Variants in NFAM1 observed in about 807,000 individuals in gnomAD.
NFAM1 encodes the protein NFAT activating protein with ITAM motif 1.
A neutral mutation model predicts 29.0 loss-of-function variants in NFAM1; 17 were observed. That is an observed-to-expected ratio of 0.59 (90% confidence interval 0.40 to 0.88). The LOEUF is 0.88. Ranked by LOEUF, NFAM1 falls within the 40% of genes least tolerant of loss-of-function variation. The pLI is 0.00. For missense variants in NFAM1, 324 were observed against 344.6 expected, an observed-to-expected ratio of 0.94 and a Z score of 0.47; for synonymous variants, 175 against 147.2, an observed-to-expected ratio of 1.19 and a Z score of -1.36.
intron 1 of NFAM1, among the ~76,000 whole-genome samples, chr22:42,415,065 C>A (rs1930210018): frequency 6.6e-6 from 1 of 152,086 alleles, no homozygotes; most frequent in Non-Finnish European, 1.5e-5. Flanking sequence ...GGAGAGGCTT[C>A]GAAACGAGAA....
intron 3 of NFAM1, among the ~76,000 whole-genome samples, chr22:42,404,572 G>A (rs1278718561): frequency 6.6e-6 from 1 of 152,132 alleles, no homozygotes; most frequent in Non-Finnish European, 1.5e-5. Context: ...TGTGTGGGCA[G>A]CAGAAAGCTT....
rs73886090 is a variant in NFAM1 at position 42,409,265 on chromosome 22, T to C, written c.564+170A>G. Among the ~76,000 whole-genome samples the C allele has an allele frequency of 0.029, 4,413 of 152,114 alleles. 216 individuals carry two copies. The highest frequency in any genetic ancestry group is 0.1 in the African/African-American group (4,249 of 41,480). ...AGGCACCCCATGGCAGCACAGGGAG[T>C]GGCACAGGAGGGATGCCCCCAGCCC... On this transcript the variant is annotated intron_variant, in intron 3 of 5. Transcript: ENST00000329021. This position sits in a 1 kb window ranked among gnomAD's most constrained non-coding sequence, Gnocchi z 4.9.
chr22:42,394,790 C>T lies in NFAM1; in HGVS notation c.663+3068G>A, dbSNP rs115316305. Among the ~76,000 whole-genome samples the T allele has an allele frequency of 5.9e-3, 898 of 152,242 alleles. 10 individuals are homozygous for T. The highest frequency in any genetic ancestry group is 0.021 in the African/African-American group (853 of 41,538). On this transcript the variant is annotated intron_variant, in intron 4 of 5. Coordinates refer to ENST00000329021, the MANE Select transcript of NFAM1 (RefSeq NM_145912.8). ...TATTCACCATCATTGTATCAGAGGC[C>T]TCAGGCAGTGCAATAAAGTGGAAAA...
At chr22:42,428,137 C>A (rs569522903) in intron 1 of NFAM1, among the ~76,000 whole-genome samples, 5 of 152,334 alleles carry the variant, frequency 3.3e-5, no homozygotes, top group African/African-American at 1.2e-4. Context: ...CAATCTGCAT[C>A]CCACTCCTGT....
In NFAM1 at chr22:42,386,042, A is replaced by G. The variant is rs182834231; in HGVS notation, c.754-822T>C. Among the ~76,000 whole-genome samples, 5 of 152,238 alleles carry G rather than the reference A, an allele frequency of 3.3e-5. No homozygotes were observed. In the East Asian group the frequency reaches 7.7e-4, roughly 24 times the overall value. On this transcript the variant is annotated intron_variant, in intron 5 of 5. Transcript: ENST00000329021. ...GAGGCAGTTGGTATTGCAGGAAAAC[A>G]CTGCTCATCCACTTTACAGATGAGC...
In NFAM1 at chr22:42,387,460, C is replaced by G. The variant is rs548028159; in HGVS notation, c.664-382G>C. On this transcript the variant is annotated intron_variant, in intron 4 of 5. Coordinates refer to ENST00000329021, the MANE Select transcript of NFAM1 (RefSeq NM_145912.8). ...CAGCCAGCAGCCCCCTGCATGATAC[C>G]TGTGGCCACTGCTCCAATAGGATGC... is the stretch of plus-strand genomic sequence containing the variant. Among the ~76,000 whole-genome samples the G allele has an allele frequency of 3.4e-3, 514 of 152,210 alleles. 1 individual carries two copies. Among genetic ancestry groups the G allele is most frequent in the Middle Eastern group, 6.8e-3 (2 of 294 alleles).
chr22:42,411,692 G>C lies in NFAM1; in HGVS notation c.166C>G (p.Leu56Val). 6.2e-7 allele frequency: 1 copy of C among 1,614,104 alleles called. No individual in the cohort carries two copies. The highest frequency in any genetic ancestry group is 1.1e-5 in the South Asian group (1 of 91,088). Residue 56 changes from leucine (L) to valine (V), a missense_variant, in exon 2 of 6, where the codon CTG becomes GTG. Leu to Val is a conservative substitution (Grantham distance 32, BLOSUM62 1). Transcript: ENST00000329021. ...CTGAAGGAGATAGCTGTGTTGGCCA[G>C]GGAGGCCATGATGGGCAGGCCGGTG... ...THTGLPIMAS[L>V]ANTAISFSCR...
chr22:42,389,145 A>T (rs1601733404), intron 4 of NFAM1, among the ~76,000 whole-genome samples: 1 of 151,996 alleles, frequency 6.6e-6, no homozygotes. Context: ...TCGGCAGGGG[A>T]GTAGATCTGG....
At chr22:42,422,380 C>A (rs1040808593) in intron 1 of NFAM1, among the ~76,000 whole-genome samples, 3 of 151,534 alleles carry the variant, frequency 2.0e-5, no homozygotes, top group African/African-American at 7.3e-5. Context: ...CTGAGGCGGG[C>A]GGATCATCTG....
At chr22:42,433,198 C>T (rs1930861967), upstream of NFAM1, among the ~76,000 whole-genome samples, 1 of 152,174 alleles carries the variant, frequency 6.6e-6, no homozygotes, top group South Asian at 2.1e-4. Flanking sequence ...CCTTGGCACC[C>T]ACACATCTGC....
chr22:42,385,503 G>A (rs1270167616), intron 5 of NFAM1, among the ~76,000 whole-genome samples: 1 of 151,884 alleles, frequency 6.6e-6, no homozygotes, highest in Non-Finnish European at 1.5e-5. Flanking sequence ...TGTGTGGGAT[G>A]CGCCTCCTCC....
intron 2 of NFAM1, among the ~76,000 whole-genome samples, chr22:42,410,865 C>T (rs1010241799): frequency 5.9e-5 from 9 of 152,106 alleles, no homozygotes; most frequent in African/African-American, 9.7e-5. Flanking sequence ...CACCTGCCAG[C>T]GGCGTTCAGG....
upstream of NFAM1, chr22:42,437,069 C>T (rs111546026): frequency 7.0e-5 from 51 of 726,862 alleles, no homozygotes; most frequent in African/African-American, 4.6e-4. Flanking sequence ...TCCCCAACCC[C>T]GCCACACCAA....
chr22:42,426,361 T>C (rs542089023), intron 1 of NFAM1, among the ~76,000 whole-genome samples: 9 of 152,152 alleles, frequency 5.9e-5, no homozygotes, highest in Admixed American at 5.2e-4. Flanking sequence ...ATGGGGTGCG[T>C]GGGGAGCAGA....
At chr22:42,428,608 C>A (rs1463055363) in intron 1 of NFAM1, among the ~76,000 whole-genome samples, 5 of 152,260 alleles carry the variant, frequency 3.3e-5, no homozygotes, top group Admixed American at 2.6e-4. Context: ...GGATCCAGAA[C>A]AAACTTGTCT....
At chr22:42,406,169 C>A (rs185521409) in intron 3 of NFAM1, among the ~76,000 whole-genome samples, 8 of 122,204 alleles carry the variant, frequency 6.5e-5, no homozygotes, top group East Asian at 6.1e-4. Flanking sequence ...CCAAATACCC[C>A]CCGGCTCGCG....
Position 42,431,784 on chromosome 22 carries a change from C to T in NFAM1, c.121+453G>A, listed in dbSNP as rs182542209. Among the ~76,000 whole-genome samples the T allele has an allele frequency of 1.7e-3, 240 of 143,880 alleles. 6 individuals carry two copies. The East Asian group carries it at 0.044, about 26-fold the overall frequency. 94.4% of individuals were successfully genotyped at this position (143,880 alleles called of 152,430 possible). A position where few individuals can be genotyped will look rare whatever the true frequency, so the allele number is the denominator to read the frequency against. On this transcript the variant is annotated intron_variant, in intron 1 of 5. Transcript: ENST00000329021. ...GTGGCTGGCCCTGGTATCCCCCCCT[C>T]CCCCCTCTCCCCGCTCTCCCTGGCC...
rs972336139 is a variant in NFAM1, at chr22:42,409,654, G to T, written c.452-107C>A. 8.3e-6 allele frequency: 4 copies of T among 484,558 alleles called. No individual in the cohort carries two copies. The highest frequency in any genetic ancestry group is 2.0e-5 in the African/African-American group (1 of 49,808). 30.0% of individuals were successfully genotyped at this position (484,558 alleles called of 1,614,324 possible). A position where few individuals can be genotyped will look rare whatever the true frequency, so the allele number is the denominator to read the frequency against. On this transcript the variant is annotated intron_variant, in intron 2 of 5. Coordinates refer to ENST00000329021, the MANE Select transcript of NFAM1 (RefSeq NM_145912.8). This position sits in a 1 kb window ranked among gnomAD's most constrained non-coding sequence, Gnocchi z 4.9. ...AGGACCCTGTTTTCAATGCTACCCC[G>T]CCAACACGCTCCACACCCCACTAGG...
At chr22:42,408,718 T>C (rs552376943) in intron 3 of NFAM1, among the ~76,000 whole-genome samples, 44 of 152,270 alleles carry the variant, frequency 2.9e-4, no homozygotes, top group African/African-American at 1.0e-3. Context: ...CAGGAATCCA[T>C]AGGGCTGGGT....
Sources: allele counts gnomAD v4.1 joint callset (sites outside exome capture counted in the v4.1 genomes callset), GRCh38; gene constraint gnomAD v4.1.1; non-coding constraint Gnocchi (gnomAD v3.1); transcripts MANE v1.5; gene names NCBI Gene and HGNC (gene_info 2026-07-23, HGNC 2026-07-21).